Variants in ELAVL2 observed in about 807,000 individuals in gnomAD.
ELAVL2 encodes ELAV-like protein 2.
A neutral mutation model predicts 34.6 loss-of-function variants in ELAVL2; 4 were observed. That is an observed-to-expected ratio of 0.12 (90% CI 0.06 to 0.26). The LOEUF is 0.26. Ranked by LOEUF, ELAVL2 falls within the 10% of genes least tolerant of loss-of-function variation. ELAVL2 has a pLI of 1.00. For missense variants in ELAVL2, 432 were observed against 442.8 expected, an observed-to-expected ratio of 0.98 and a Z score of 0.22; for synonymous variants, 193 against 154.8, an observed-to-expected ratio of 1.25 and a Z score of -1.83.
At chr9:23,800,574 G>C (rs777955716) in intron 1 of ELAVL2, among the ~76,000 whole-genome samples, 1 of 152,136 alleles carries the variant, frequency 6.6e-6, no homozygotes, top group Non-Finnish European at 1.5e-5. Context: ...GAAATTTTAA[G>C]AATTCTTTCA....
intron 2 of ELAVL2, among the ~76,000 whole-genome samples, chr9:23,731,504 C>T (rs1342858312): frequency 2.6e-5 from 4 of 152,104 alleles, no homozygotes; most frequent in African/African-American, 9.7e-5. Context: ...GTTTCCTTAG[C>T]CATAAAAATG....
chr9:23,758,370 G>A (rs948812480), intron 2 of ELAVL2, among the ~76,000 whole-genome samples: 1 of 151,934 alleles, frequency 6.6e-6, no homozygotes, highest in Non-Finnish European at 1.5e-5. Flanking sequence ...CTCAATAGAA[G>A]TATTCAGTAA....
intron 1 of ELAVL2, among the ~76,000 whole-genome samples, chr9:23,786,677 A>T (rs2059714583): frequency 6.6e-6 from 1 of 151,924 alleles, no homozygotes; most frequent in Non-Finnish European, 1.5e-5. Context: ...ACTTCAAGGT[A>T]CAGATAGGAC....
intron 1 of ELAVL2, among the ~76,000 whole-genome samples, chr9:23,771,800 T>A (rs1321966806): frequency 6.6e-6 from 1 of 152,162 alleles, no homozygotes; most frequent in Non-Finnish European, 1.5e-5. Flanking sequence ...GGGAGTAAAC[T>A]TTAAAATCTG....
chr9:23,710,047 G>C (rs767276915), intron 3 of ELAVL2, among the ~76,000 whole-genome samples: 25 of 152,144 alleles, frequency 1.6e-4, no homozygotes, highest in Non-Finnish European at 3.5e-4. Flanking sequence ...TGCTACTACA[G>C]GTAAGTAAAT....
intron 3 of ELAVL2, among the ~76,000 whole-genome samples, chr9:23,724,269 T>C (rs1436902518): frequency 1.3e-5 from 2 of 152,066 alleles, no homozygotes; most frequent in African/African-American, 2.4e-5. Context: ...CCAAGAACCC[T>C]GTTCCTCATC....
chr9:23,738,287 C>T (rs763105237), intron 2 of ELAVL2, among the ~76,000 whole-genome samples: 6 of 152,214 alleles, frequency 3.9e-5, no homozygotes, highest in African/African-American at 1.2e-4. Flanking sequence ...TCTCTAGTCA[C>T]GTTTTTCTCC....
At chr9:23,760,910 C>T (rs188510082) in intron 2 of ELAVL2, among the ~76,000 whole-genome samples, 15 of 152,026 alleles carry the variant, frequency 9.9e-5, no homozygotes, top group Non-Finnish European at 1.6e-4. Flanking sequence ...TGAGCCCTAA[C>T]GATTAACGGA....
At chr9:23,773,055 A>G (rs2136376108) in intron 1 of ELAVL2, among the ~76,000 whole-genome samples, 1 of 152,168 alleles carries the variant, frequency 6.6e-6, no homozygotes, top group East Asian at 1.9e-4. Flanking sequence ...TATTTACTAC[A>G]TTTCAAGAAA....
At chr9:23,698,984 A>G (rs1336033013) in intron 5 of ELAVL2, among the ~76,000 whole-genome samples, 1 of 152,212 alleles carries the variant, frequency 6.6e-6, no homozygotes, top group Admixed American at 6.5e-5. Context: ...TGAAGAGAGA[A>G]TAACAATTTC....
chr9:23,805,981 A>G (rs1038865112), intron 1 of ELAVL2, among the ~76,000 whole-genome samples: 9 of 152,146 alleles, frequency 5.9e-5, no homozygotes, highest in African/African-American at 2.2e-4. Context: ...GGGTGGTCCA[A>G]GTAAATTAAA....
Position 23,701,474 on chromosome 9 carries a change from T to A in ELAVL2, c.618A>T (p.Pro206=), listed in dbSNP as rs2037185172. The A allele has an allele frequency of 8.7e-6, 14 of 1,614,116 alleles. No homozygotes were observed. Among genetic ancestry groups the A allele is most frequent in the Non-Finnish European group, 1.2e-5 (14 of 1,179,994 alleles). Residue 206 remains proline, a synonymous_variant, in exon 5 of 7, where the codon CCA becomes CCT. Transcript: ENST00000397312. ...GGATGGCCTGATTGGTTTTTTGGCT[T>A]GGGTTATTAGCAAACTTTACAGTGA... The part of the protein sequence containing the change: ...EPITVKFANN[P]SQKTNQAILS...
At chr9:23,801,895 A>G (rs1185186587) in intron 1 of ELAVL2, among the ~76,000 whole-genome samples, 3 of 152,142 alleles carry the variant, frequency 2.0e-5, no homozygotes, top group Admixed American at 2.0e-4. Flanking sequence ...AGGAATTGAC[A>G]GGTGGAGCCC....
chr9:23,801,916 T>C (rs1448834719), intron 1 of ELAVL2, among the ~76,000 whole-genome samples: 2 of 152,208 alleles, frequency 1.3e-5, no homozygotes, highest in African/African-American at 2.4e-5. Context: ...TGATTGACAA[T>C]GGTGGTTTTA....
chr9:23,759,427 G>A (rs1268822651), intron 2 of ELAVL2, among the ~76,000 whole-genome samples: 3 of 151,686 alleles, frequency 2.0e-5, no homozygotes, highest in African/African-American at 7.3e-5. Flanking sequence ...GAAGGAGGGG[G>A]CCAGATGGTT....
At chr9:23,774,908 C>T (rs1328840186) in intron 1 of ELAVL2, among the ~76,000 whole-genome samples, 1 of 152,114 alleles carries the variant, frequency 6.6e-6, no homozygotes, top group African/African-American at 2.4e-5. Flanking sequence ...CACATGGGAT[C>T]AAGTTTCCAC....
At chr9:23,813,256 A>G (rs2063253979) in intron 1 of ELAVL2, among the ~76,000 whole-genome samples, 1 of 152,146 alleles carries the variant, frequency 6.6e-6, no homozygotes, top group African/African-American at 2.4e-5. Flanking sequence ...CTGGTGCATC[A>G]GTCTGCTCTA....
chr9:23,813,372 C>A (rs1280720289), intron 1 of ELAVL2, among the ~76,000 whole-genome samples: 3 of 149,300 alleles, frequency 2.0e-5, no homozygotes, highest in Non-Finnish European at 3.0e-5. Flanking sequence ...AGAGAAATAA[C>A]ACACACACAT....
At chr9:23,829,526 A>T (rs138010259), upstream of ELAVL2, 1 of 152,374 alleles carries the variant, frequency 6.6e-6, no homozygotes, top group East Asian at 1.9e-4. Flanking sequence ...AAACCTTCTT[A>T]GATGAATAAA....
Sources: gnomAD v4.1 joint callset for allele counts (sites outside exome capture counted in the v4.1 genomes callset) on GRCh38, gnomAD v4.1.1 for gene constraint, MANE v1.5 for transcripts, NCBI Gene and HGNC (gene_info 2026-07-23, HGNC 2026-07-21) for gene names.